HLA-DRB1: variants seen among roughly 807,000 people sequenced by gnomAD.
HLA-DRB1 encodes the protein major histocompatibility complex, class II, DR beta 1 precursor.
A neutral mutation model predicts 27.9 loss-of-function variants in HLA-DRB1; 10 were observed. That is an observed-to-expected ratio of 0.36 (90% confidence interval 0.22 to 0.61). The LOEUF is 0.61. HLA-DRB1 is among the 20% of genes least tolerant of loss of function. HLA-DRB1 has a pLI of 0.73. For synonymous variants in HLA-DRB1, 57 were observed against 126.7 expected (o/e 0.45, Z 3.69); for missense variants, 118 against 306.3 (o/e 0.39, Z 4.59).
chr6:32,581,410 G>C, intron 3 of HLA-DRB1, 147 bp downstream of exon 3: 1 of 399,526 alleles, frequency 2.5e-6, no homozygotes, highest in Non-Finnish European at 4.0e-6. Context: ...ACACCTACAG[G>C]GCTACCCCCA....
chr6:32,583,877 CACACAG>C lies in HLA-DRB1; in HGVS notation c.370+226_370+231del, dbSNP rs1444013559. Among the ~76,000 whole-genome samples the C allele has an allele frequency of 9.7e-4, 48 of 49,326 alleles. 4 individuals carry two copies. The highest frequency in any genetic ancestry group is 1.7e-3 in the South Asian group (3 of 1,806). The allele number at this position is 49,326 out of a possible 152,430, so 32.4% of individuals were successfully genotyped here. A position where few individuals can be genotyped will look rare whatever the true frequency, so the allele number is the denominator to read the frequency against. On this transcript the variant is annotated intron_variant, in intron 2 of 5. Coordinates refer to ENST00000360004, the Ensembl canonical transcript of HLA-DRB1. ...CTCCTGCCTCCCCTCCCACAACAGA[CACACAG>C]ACACAGACAAATCCACACTTTACAC...
Position 32,583,416 on chromosome 6 carries a change from G to A in HLA-DRB1, c.370+693C>T, listed in dbSNP as rs1465781152. 1.0e-4 allele frequency among the ~76,000 whole-genome samples: 5 copies of A among 49,528 alleles called. 2 individuals are homozygous for A. The highest frequency in any genetic ancestry group is 3.9e-4 in the African/African-American group (5 of 12,712). 32.5% of individuals were successfully genotyped at this position (49,528 alleles called of 152,430 possible). On this transcript the variant is annotated intron_variant, in intron 2 of 5. Coordinates refer to ENST00000360004, the Ensembl canonical transcript of HLA-DRB1. ...CCAGCATTATAATAAAATAGTAACC[G>A]TGTCAAAACTTTAATTCAAAAAGTT...
chr6:32,581,352 G>A (rs1307647000), intron 3 of HLA-DRB1, among the ~76,000 whole-genome samples: 1 of 80,712 alleles, frequency 1.2e-5, no homozygotes, highest in Non-Finnish European at 2.5e-5. Context: ...AGTCTCTCCC[G>A]CCTGGCAGGC....
rs28732281 is a variant in HLA-DRB1, at chr6:32,580,871, C to A, written c.653-15G>T. The A allele has an allele frequency of 0.087, 127,824 of 1,467,966 alleles. 1,170 individuals are homozygous for A. Among genetic ancestry groups the A allele is most frequent in the Non-Finnish European group, 0.096 (102,525 of 1,069,112 alleles). The allele number at this position is 1,467,966 out of a possible 1,614,324, so 90.9% of individuals were successfully genotyped here. On this transcript the variant is annotated splice_polypyrimidine_tract_variant and intron_variant, in intron 3 of 5. Coordinates refer to ENST00000360004, the Ensembl canonical transcript of HLA-DRB1. ...AGACCGTGCTCCTGAGAGAGGAAGCCAGGTTTAGTGATGTTTATTCCAAAT... is the reference window on the plus strand; with the variant it reads ...AGACCGTGCTCCTGAGAGAGGAAGCAAGGTTTAGTGATGTTTATTCCAAAT...
intron 4 of HLA-DRB1, among the ~76,000 whole-genome samples, 182 bp from the exon 5 acceptor site, chr6:32,580,452 G>C (rs1386387964): frequency 2.4e-3 from 292 of 121,414 alleles, no homozygotes; most frequent in Non-Finnish European, 3.3e-3. Context: ...GTCTGTCACA[G>C]GATCCAGTGT....
chr6:32,587,533 A>G (rs7759513), intron 1 of HLA-DRB1, among the ~76,000 whole-genome samples: 5,754 of 61,232 alleles, frequency 0.094, 478 homozygotes, highest in Middle Eastern at 0.11. Context: ...CTTTCTATAC[A>G]TCAGCCCCTC....
intron 5 of HLA-DRB1, among the ~76,000 whole-genome samples, chr6:32,579,589 G>T (rs1371743695): frequency 1.6e-5 from 1 of 63,178 alleles, no homozygotes; most frequent in Non-Finnish European, 3.2e-5. Flanking sequence ...TCCTGTATTT[G>T]TCCCTGCCCA....
chr6:32,582,952 A>T (rs41283787), intron 2 of HLA-DRB1, among the ~76,000 whole-genome samples: 53,412 of 131,582 alleles, frequency 0.41, 12,099 homozygotes, highest in Middle Eastern at 0.54. Flanking sequence ...ATTAATAAAA[A>T]TGTTGCAATA....
chr6:32,584,396 A>C lies in HLA-DRB1; in HGVS notation c.101-18T>G, dbSNP rs41285659. Reference sequence around the variant, plus strand: ...GAAACGTGCTGTGGGGACACGAACCATCCGGTCACAGGGCGGCCTCCTGAG... The same window carrying C: ...GAAACGTGCTGTGGGGACACGAACCCTCCGGTCACAGGGCGGCCTCCTGAG... On this transcript the variant is annotated intron_variant, in intron 1 of 5. Transcript: ENST00000360004. The C allele has an allele frequency of 1.7e-6, 1 of 571,708 alleles. No individual in the cohort carries two copies. The highest frequency in any genetic ancestry group is 2.4e-6 in the Non-Finnish European group (1 of 408,418). The allele number at this position is 571,708 out of a possible 1,614,324, so 35.4% of individuals were successfully genotyped here.
chr6:32,581,302 C>T (rs28732315), intron 3 of HLA-DRB1, among the ~76,000 whole-genome samples: 4,397 of 74,964 alleles, frequency 0.059, 10 homozygotes, highest in East Asian at 0.11. Flanking sequence ...GAGTGGGTGA[C>T]CCTGACCTGC....
intron 1 of HLA-DRB1, among the ~76,000 whole-genome samples, chr6:32,585,970 C>T (rs34405409): frequency 1.8e-5 from 1 of 55,554 alleles, no homozygotes; most frequent in Non-Finnish European, 3.5e-5. Flanking sequence ...ATAGTGATGG[C>T]GACTGGATTC....
At chr6:32,584,716 TCTCTGCTC>T (rs1776141671) in intron 1 of HLA-DRB1, among the ~76,000 whole-genome samples, 2 of 53,332 alleles carry the variant, frequency 3.8e-5, no homozygotes, top group Admixed American at 1.7e-4. Flanking sequence ...CCAAAGACAC[TCTCTGCTC>T]CTCTCATCCC....
rs796656920 is a variant in HLA-DRB1 at position 32,586,773 on chromosome 6, C to T, written c.101-2395G>A. ...CAAAACTTTTATTTCAAACCACCCA[C>T]TTCAAATCATTTCCTCCCATAGTTT... On this transcript the variant is annotated intron_variant, in intron 1 of 5. Coordinates refer to ENST00000360004, the Ensembl canonical transcript of HLA-DRB1. 4.6e-3 allele frequency among the ~76,000 whole-genome samples: 366 copies of T among 79,570 alleles called. No homozygotes were observed. The East Asian group carries it at 0.056, about 12-fold the overall frequency. The allele number at this position is 79,570 out of a possible 152,430, so 52.2% of individuals were successfully genotyped here.
exon 2 of HLA-DRB1, chr6:32,584,283 A>T (rs16822820): frequency 0.13 from 174,545 of 1,344,594 alleles, 15,809 homozygotes; most frequent in African/African-American, 0.16. Flanking sequence ...AAGCGCACGG[A>T]CTCCTCCTGG....
At chr6:32,585,011 T>C (rs114849159) in intron 1 of HLA-DRB1, among the ~76,000 whole-genome samples, 1,145 of 46,190 alleles carry the variant, frequency 0.025, 57 homozygotes, top group East Asian at 0.033. Context: ...TCCAATAAAT[T>C]ATGGTTGTGT....
At chr6:32,585,661 A>G (rs1210862967) in intron 1 of HLA-DRB1, among the ~76,000 whole-genome samples, 2 of 125,118 alleles carry the variant, frequency 1.6e-5, no homozygotes, top group Non-Finnish European at 3.3e-5. Context: ...AAGAATTGTC[A>G]TTCTGAAGAC....
In HLA-DRB1 at chr6:32,584,498, C is replaced by G. The variant is rs1200627000; in HGVS notation, c.101-120G>C. On this transcript the variant is annotated intron_variant, in intron 1 of 5. Coordinates refer to ENST00000360004, the Ensembl canonical transcript of HLA-DRB1. ...CGCTGGAACCTTAACCGGCCCCACCCGCAACGCCCACCACCTGCAGCCCAG... is the reference window on the plus strand; with the variant it reads ...CGCTGGAACCTTAACCGGCCCCACCGGCAACGCCCACCACCTGCAGCCCAG... 1.1e-5 allele frequency: 7 copies of G among 651,396 alleles called. No individual in the cohort carries two copies. In the East Asian group the frequency reaches 1.9e-4, roughly 17 times the overall value. 40.4% of individuals were successfully genotyped at this position (651,396 alleles called of 1,614,324 possible).
At chr6:32,588,078 CTTT>C (rs66962766) in intron 1 of HLA-DRB1, among the ~76,000 whole-genome samples, 64,459 of 140,580 alleles carry the variant, frequency 0.46, 17,043 homozygotes, top group Middle Eastern at 0.61. Flanking sequence ...AGGCAAACTT[CTTT>C]TTTCTCCTCC....
chr6:32,580,947 G>A, intron 3 of HLA-DRB1, 91 bp from the exon 4 acceptor site: 3 of 905,612 alleles, frequency 3.3e-6, no homozygotes, highest in Non-Finnish European at 4.8e-6. Context: ...AAATGGGGCA[G>A]AAAGCTGCCT....
Sources: gnomAD v4.1 joint callset for allele counts (sites outside exome capture counted in the v4.1 genomes callset) on GRCh38, gnomAD v4.1.1 for gene constraint, MANE v1.5 for transcripts, NCBI Gene and HGNC (gene_info 2026-07-23, HGNC 2026-07-21) for gene names.